INTS6: variants seen among roughly 807,000 people sequenced by gnomAD.
INTS6 encodes the protein integrator complex subunit 6.
A neutral mutation model predicts 104.9 loss-of-function variants in INTS6; 16 were observed. The ratio of observed to expected loss-of-function variants is 0.15; its 90% CI spans 0.10 to 0.23. The LOEUF (loss-of-function observed/expected upper bound fraction) is 0.23. Ranked by LOEUF, INTS6 falls within the 10% of genes least tolerant of loss-of-function variation. INTS6 has a pLI of 1.00. For missense variants in INTS6, 584 were observed against 1,062.8 expected, an observed-to-expected ratio of 0.55 and a Z score of 6.26; for synonymous variants, 324 against 358.7, an observed-to-expected ratio of 0.90 and a Z score of 1.09.
In INTS6 at chr13:51,383,760, T is replaced by A; in HGVS notation, c.895-19A>T. 2 of 1,566,712 alleles carry A rather than the reference T, an allele frequency of 1.3e-6. No homozygotes were observed. Among genetic ancestry groups the A allele is most frequent in the Non-Finnish European group, 1.7e-6 (2 of 1,153,592 alleles). On this transcript the variant is annotated intron_variant, in intron 7 of 17. Coordinates refer to ENST00000311234, the MANE Select transcript of INTS6 (RefSeq NM_012141.3). ...GAGGTGGCTAAAGGGGAAAGTCTTG[T>A]AATTACTACTTACATGAAATTTCAG... is the stretch of plus-strand genomic sequence containing the variant.
chr13:51,404,040 TAGTG>T (rs1555287351), intron 4 of INTS6, among the ~76,000 whole-genome samples: 3 of 141,700 alleles, frequency 2.1e-5, no homozygotes, highest in Non-Finnish European at 4.5e-5. Context: ...CTGGGCAACA[TAGTG>T]AGATCCTATC....
At chr13:51,450,577 T>C in intron 3 of INTS6, 1 of 985,606 alleles carries the variant, frequency 1.0e-6, no homozygotes, top group South Asian at 4.7e-5. Context: ...CCTTTCAGAA[T>C]AGTTATACAA....
chr13:51,358,812 C>T (rs1331625565), downstream of INTS6, among the ~76,000 whole-genome samples: 2 of 151,964 alleles, frequency 1.3e-5, no homozygotes, highest in African/African-American at 4.8e-5. Context: ...CACCCCTTTG[C>T]TTTGTATATA....
intron 3 of INTS6, chr13:51,449,390 G>C: frequency 1.2e-6 from 1 of 813,974 alleles, no homozygotes; most frequent in Non-Finnish European, 1.5e-6. Flanking sequence ...GTGTTCTCTG[G>C]GGGCAGATAT....
intron 3 of INTS6, chr13:51,440,628 A>T (rs989511678): frequency 6.6e-6 from 1 of 152,038 alleles, no homozygotes; most frequent in Non-Finnish European, 1.5e-5. Flanking sequence ...CCATATTTCT[A>T]CTGTATTTGT....
At position 51,365,177 on chromosome 13, in the gene INTS6, GT is replaced by G. The variant is rs1335375520; in HGVS notation, c.*574del. 1 of 152,484 alleles carries G rather than the reference GT, an allele frequency of 6.6e-6. No individual in the cohort carries two copies. Among genetic ancestry groups the G allele is most frequent in the Non-Finnish European group, 1.5e-5 (1 of 67,968 alleles). 9.4% of individuals were successfully genotyped at this position (152,484 alleles called of 1,614,324 possible). A position where few individuals can be genotyped will look rare whatever the true frequency, so the allele number is the denominator to read the frequency against. ...CTTTAAAATTCCATTATCTTAGGAT[GT>G]TTTTAAATGATTACTTTAAATGTGA... On this transcript the variant is annotated 3_prime_UTR_variant, in exon 18 of 18. Coordinates refer to ENST00000311234, the MANE Select transcript of INTS6 (RefSeq NM_012141.3).
At chr13:51,426,891 G>A (rs984292780) in intron 4 of INTS6, among the ~76,000 whole-genome samples, 3 of 152,090 alleles carry the variant, frequency 2.0e-5, no homozygotes, top group Non-Finnish European at 2.9e-5. Flanking sequence ...GGAGGTGCTG[G>A]AATGTCTTTG....
intron 3 of INTS6, chr13:51,438,067 T>A (rs1221231855): frequency 6.6e-6 from 1 of 152,124 alleles, no homozygotes; most frequent in African/African-American, 2.4e-5. Flanking sequence ...GGGGCCCTGG[T>A]TCGTAAAAAA....
chr13:51,345,592 CAAAAAAAAA>C, the INTS6 span, among the ~76,000 whole-genome samples: 9 of 37,044 alleles, frequency 2.4e-4, no homozygotes, highest in African/African-American at 8.0e-4. Flanking sequence ...GATTTCATCT[CAAAAAAAAA>C]AAAAAAAAAA....
chr13:51,436,684 T>C (rs1203802780), intron 3 of INTS6: 2 of 152,044 alleles, frequency 1.3e-5, no homozygotes, highest in African/African-American at 2.4e-5. Flanking sequence ...ATAATAACAT[T>C]AGGGAAATTC....
rs1289256168 is a variant in INTS6 at position 51,383,372 on chromosome 13, T to C, written c.1137A>G (p.Leu379=). Residue 379 remains leucine, a synonymous_variant, in exon 9 of 18, where the codon TTA becomes TTG. Coordinates refer to ENST00000311234, the MANE Select transcript of INTS6 (RefSeq NM_012141.3). ...CTGGATAATTGTAAGGCATCACAAA[T>C]AAGTTGACACAGTTCAGTGCTGTAC... ...KASTALNCVN[L]FVMPYNYPVL... 5 of 1,613,340 alleles carry C rather than the reference T, an allele frequency of 3.1e-6. No homozygotes were observed. Among genetic ancestry groups the C allele is most frequent in the Non-Finnish European group, 4.2e-6 (5 of 1,179,768 alleles).
At chr13:51,379,002 A>G (rs1955992121) in intron 11 of INTS6, among the ~76,000 whole-genome samples, 2 of 152,052 alleles carry the variant, frequency 1.3e-5, no homozygotes, top group African/African-American at 2.4e-5. Context: ...CAGTTAAACT[A>G]TATACTGCTT....
chr13:51,378,088 G>C, intron 12 of INTS6, 151 bp downstream of exon 12: 2 of 613,588 alleles, frequency 3.3e-6, no homozygotes, highest in Non-Finnish European at 5.8e-6. Flanking sequence ...TTTAATTCTA[G>C]CAGTGACAGT....
intron 4 of INTS6, among the ~76,000 whole-genome samples, chr13:51,419,515 C>T (rs918618628): frequency 6.6e-6 from 1 of 152,212 alleles, no homozygotes; most frequent in African/African-American, 2.4e-5. Flanking sequence ...CATACATCTA[C>T]TTCACAAACT....
chr13:51,395,527 A>G (rs202140378), intron 4 of INTS6, 44 bp from the exon 5 acceptor site: 32 of 1,536,306 alleles, frequency 2.1e-5, no homozygotes, highest in Non-Finnish European at 2.6e-5. Flanking sequence ...TCCACAGACT[A>G]TTTTTTCAAA....
At chr13:51,389,202 T>C (rs1323815159) in intron 6 of INTS6, 117 bp downstream of exon 6, 7 of 985,210 alleles carry the variant, frequency 7.1e-6, no homozygotes, top group Non-Finnish European at 1.0e-5. Flanking sequence ...CAACAGCCTT[T>C]CTGTCTTAAT....
intron 4 of INTS6, among the ~76,000 whole-genome samples, chr13:51,424,600 G>A (rs1194822847): frequency 1.3e-5 from 2 of 151,928 alleles, no homozygotes; most frequent in African/African-American, 2.4e-5. Flanking sequence ...AAATACAAAT[G>A]GTCTACATTC....
At chr13:51,396,814 G>C (rs1010807348) in intron 4 of INTS6, among the ~76,000 whole-genome samples, 1 of 152,214 alleles carries the variant, frequency 6.6e-6, no homozygotes, top group South Asian at 2.1e-4. Context: ...AAAAAGCAAA[G>C]GGAAGGGAAT....
chr13:51,342,504 C>T, the INTS6 span, among the ~76,000 whole-genome samples: 3 of 152,350 alleles, frequency 2.0e-5, no homozygotes, highest in South Asian at 6.2e-4. Flanking sequence ...ATTTTTTACC[C>T]TGTCATTGCA....
Sources: allele counts gnomAD v4.1 joint callset (sites outside exome capture counted in the v4.1 genomes callset), GRCh38; gene constraint gnomAD v4.1.1; transcripts MANE v1.5; gene names NCBI Gene and HGNC (gene_info 2026-07-23, HGNC 2026-07-21).